LIMCH1: variants seen among roughly 807,000 people sequenced by gnomAD.
The protein encoded by LIMCH1 is LIM and calponin homology domains-containing protein 1.
Under a neutral mutation model 176.5 loss-of-function variants are expected in LIMCH1, and 113 were observed. The ratio of observed to expected loss-of-function variants is 0.64; its 90% CI spans 0.55 to 0.75. The LOEUF is 0.75. LIMCH1 is among the 30% of genes least tolerant of loss of function. The probability of loss-of-function intolerance (pLI) is 0.00; values close to 1 mark genes in which losing one functional copy is unlikely to be tolerated. For missense variants in LIMCH1, 1,674 were observed against 1,814.9 expected, an observed-to-expected ratio of 0.92 and a Z score of 1.41; for synonymous variants, 619 against 645.9, an observed-to-expected ratio of 0.96 and a Z score of 0.63.
chr4:41,473,047 T>C (rs1229510735), intron 1 of LIMCH1: 50 of 984,848 alleles, frequency 5.1e-5, no homozygotes, highest in Admixed American at 6.2e-5. Flanking sequence ...GAAATAATAA[T>C]GTAATTCCAT....
intron 1 of LIMCH1, among the ~76,000 whole-genome samples, chr4:41,493,467 A>G (rs1219038504): frequency 6.6e-6 from 1 of 151,996 alleles, no homozygotes; most frequent in Non-Finnish European, 1.5e-5. Flanking sequence ...AAAAAAAAGC[A>G]TCTGTTTTTG....
chr4:41,448,321 C>T (rs1320392410), intron 1 of LIMCH1, among the ~76,000 whole-genome samples: 1 of 152,178 alleles, frequency 6.6e-6, no homozygotes, highest in Non-Finnish European at 1.5e-5. Context: ...GTCTGGCTGA[C>T]TGGTTGAGGC....
intron 1 of LIMCH1, among the ~76,000 whole-genome samples, chr4:41,566,028 A>G (rs2082721429): frequency 1.3e-5 from 2 of 152,190 alleles, no homozygotes; most frequent in Non-Finnish European, 2.9e-5. Context: ...CACGATCACA[A>G]AATTAGTAAG....
intron 1 of LIMCH1, among the ~76,000 whole-genome samples, chr4:41,597,434 C>A (rs1031683736): frequency 6.6e-6 from 1 of 152,074 alleles, no homozygotes; most frequent in African/African-American, 2.4e-5. Context: ...TTATTTTGAG[C>A]CTGGATGTAT....
intron 1 of LIMCH1, among the ~76,000 whole-genome samples, chr4:41,372,637 A>T (rs1328685893): frequency 1.3e-5 from 2 of 152,188 alleles, no homozygotes; most frequent in African/African-American, 4.8e-5. Context: ...CCTATCTGCT[A>T]TCAGAAGACC....
At chr4:41,538,438 T>TA (rs983133976) in intron 1 of LIMCH1, 88 bp downstream of exon 1, 59 of 787,644 alleles carry the variant, frequency 7.5e-5, no homozygotes, top group East Asian at 2.5e-4. Context: ...ATACTTGGTT[T>TA]AAAAAAAAGT....
intron 1 of LIMCH1, among the ~76,000 whole-genome samples, chr4:41,595,920 C>T (rs999826536): frequency 3.3e-5 from 5 of 151,850 alleles, no homozygotes; most frequent in Non-Finnish European, 5.9e-5. Flanking sequence ...CATGGTGGCT[C>T]ATGCCTGTGG....
intron 1 of LIMCH1, among the ~76,000 whole-genome samples, chr4:41,467,151 G>A (rs6447074): frequency 6.6e-5 from 4 of 60,734 alleles, no homozygotes; most frequent in Non-Finnish European, 1.1e-4. Context: ...ATATGTGTAT[G>A]TATATATACA....
intron 1 of LIMCH1, among the ~76,000 whole-genome samples, chr4:41,416,128 T>A (rs1357085018): frequency 6.6e-6 from 1 of 152,206 alleles, no homozygotes; most frequent in Non-Finnish European, 1.5e-5. Context: ...GCTGTAGGCT[T>A]ACTTTGCTGG....
intron 1 of LIMCH1, among the ~76,000 whole-genome samples, chr4:41,549,139 C>G (rs1251241523): frequency 1.3e-5 from 2 of 152,066 alleles, no homozygotes; most frequent in African/African-American, 4.8e-5. Context: ...ACCATCCTGC[C>G]TTGGCCTCCC....
intron 1 of LIMCH1, among the ~76,000 whole-genome samples, chr4:41,370,783 G>C (rs2053844327): frequency 6.6e-6 from 1 of 152,206 alleles, no homozygotes; most frequent in Non-Finnish European, 1.5e-5. Flanking sequence ...GCTTGCTTGA[G>C]TGGTAGTGTA....
intron 7 of LIMCH1, among the ~76,000 whole-genome samples, chr4:41,621,862 C>G (rs2092607001): frequency 1.3e-5 from 2 of 152,070 alleles, no homozygotes; most frequent in African/African-American, 4.8e-5. Context: ...CATCTGCCTC[C>G]CACACATTTT....
intron 1 of LIMCH1, among the ~76,000 whole-genome samples, chr4:41,478,211 G>C (rs930101128): frequency 6.6e-6 from 1 of 152,174 alleles, no homozygotes; most frequent in African/African-American, 2.4e-5. Context: ...TATTGAAGGT[G>C]AACAGTCTTG....
intron 18 of LIMCH1, among the ~76,000 whole-genome samples, chr4:41,658,422 G>A (rs1255782451): frequency 2.0e-5 from 3 of 152,202 alleles, no homozygotes; most frequent in Admixed American, 6.5e-5. Context: ...CTTGAGAAAT[G>A]TGAGAATTCT....
chr4:41,384,850 T>G (rs1291988838), intron 1 of LIMCH1, among the ~76,000 whole-genome samples: 1 of 152,160 alleles, frequency 6.6e-6, no homozygotes, highest in Non-Finnish European at 1.5e-5. Flanking sequence ...GAAGTAGGGT[T>G]TCCCCTCAAC....
intron 1 of LIMCH1, among the ~76,000 whole-genome samples, chr4:41,445,619 A>G (rs902473891): frequency 1.3e-5 from 2 of 152,236 alleles, no homozygotes; most frequent in African/African-American, 4.8e-5. Flanking sequence ...ATTCAAGAAA[A>G]GCATAGAAGT....
chr4:41,525,373 G>GCAGGT (rs1370629230), intron 3 of LIMCH1, among the ~76,000 whole-genome samples: 1 of 152,202 alleles, frequency 6.6e-6, no homozygotes, highest in African/African-American at 2.4e-5. Flanking sequence ...AAGAATTTAA[G>GCAGGT]CAGGATCCTA....
At chr4:41,571,300 A>C (rs924508316) in intron 1 of LIMCH1, among the ~76,000 whole-genome samples, 15 of 152,080 alleles carry the variant, frequency 9.9e-5, no homozygotes, top group African/African-American at 3.4e-4. Context: ...GAAGTCTTGG[A>C]AGTTAGGAAG....
intron 1 of LIMCH1, among the ~76,000 whole-genome samples, chr4:41,407,472 C>A (rs556640319): frequency 6.6e-6 from 1 of 152,292 alleles, no homozygotes; most frequent in African/African-American, 2.4e-5. Flanking sequence ...TCAAGTGATC[C>A]TCCCGCCTTG....
Sources: allele counts gnomAD v4.1 joint callset (sites outside exome capture counted in the v4.1 genomes callset), GRCh38; gene constraint gnomAD v4.1.1; transcripts MANE v1.5; gene names NCBI Gene and HGNC (gene_info 2026-07-23, HGNC 2026-07-21).